Variants in UPK3A observed in about 807,000 individuals in gnomAD.
The protein encoded by UPK3A is uroplakin-3a.
In UPK3A, 32 loss-of-function variants were observed where a neutral mutation model predicts 27.6. The ratio of observed to expected loss-of-function variants is 1.16; its 90% CI spans 0.87 to 1.55. The LOEUF (loss-of-function observed/expected upper bound fraction) is 1.55. Ranked by LOEUF, UPK3A falls within the 40% of genes most tolerant of loss-of-function variation. UPK3A has a pLI of 0.00. For missense variants in UPK3A, 370 were observed against 367.9 expected (o/e 1.01, Z -0.05); for synonymous variants, 171 against 163.9 (o/e 1.04, Z -0.33).
chr22:45,294,273 C>T (rs2084180726), intron 5 of UPK3A, among the ~76,000 whole-genome samples: 1 of 152,028 alleles, frequency 6.6e-6, no homozygotes, highest in Non-Finnish European at 1.5e-5. Flanking sequence ...TAAGTGGATC[C>T]ATGGAAAGCA....
intron 4 of UPK3A, among the ~76,000 whole-genome samples, chr22:45,291,525 A>T (rs4823288): frequency 0.52 from 75,728 of 145,032 alleles, 21,792 homozygotes; most frequent in African/African-American, 0.79. Context: ...TGTGAGTTGG[A>T]ATGTGTGTTG....
chr22:45,291,422 ATGTGTGTGG>A (rs899204575), intron 4 of UPK3A, among the ~76,000 whole-genome samples: 8 of 136,390 alleles, frequency 5.9e-5, no homozygotes, highest in Non-Finnish European at 1.3e-4. Flanking sequence ...TGTGTATTGT[ATGTGTGTGG>A]TGTGTGTGGT....
intron 5 of UPK3A, among the ~76,000 whole-genome samples, chr22:45,294,952 G>T (rs377169493): frequency 6.9e-6 from 1 of 144,484 alleles, no homozygotes; most frequent in East Asian, 2.0e-4. Context: ...TGCAACCTCC[G>T]CCTCCCAGGT....
rs142434823 is a variant in UPK3A at position 45,295,640 on chromosome 22, C to T, written c.785C>T (p.Ser262Leu). ...QEAVPKSLGA[S>L]ESSYTSVNRG... is the part of the protein sequence containing the mutation. The stretch of plus-strand genomic sequence containing the variant: ...GCTGTTCCCAAGTCGCTGGGGGCCT[C>T]GGAGTCTTCCTACACGTCCGTGAAC... Residue 262 changes from serine (S) to leucine (L), a missense_variant, in exon 6 of 6, where the codon TCG becomes TTG. Physicochemically the swap from Ser to Leu is moderately radical, Grantham distance 145. Transcript: ENST00000216211. The T allele has an allele frequency of 6.8e-5, 109 of 1,613,986 alleles. No homozygotes were observed. In the East Asian group the frequency reaches 1.6e-3, roughly 24 times the overall value.
intron 5 of UPK3A, 23 bp downstream of exon 5, chr22:45,293,336 G>T: frequency 6.2e-7 from 1 of 1,613,164 alleles, no homozygotes. Context: ...CTGCTGGGAG[G>T]GCTGGACCCC....
chr22:45,293,395 C>T, intron 5 of UPK3A, 82 bp downstream of exon 5: 1 of 1,579,962 alleles, frequency 6.3e-7, no homozygotes, highest in Non-Finnish European at 8.6e-7. Context: ...CAGTGGGGTC[C>T]TCCGAGGCAG....
chr22:45,289,875 A>G (rs1372969636), intron 4 of UPK3A, among the ~76,000 whole-genome samples: 3 of 152,138 alleles, frequency 2.0e-5, no homozygotes, highest in African/African-American at 7.2e-5. Context: ...GGATGGGTGT[A>G]AGCGGATCAA....
chr22:45,289,595 A>AAG (rs1491309468), intron 4 of UPK3A, among the ~76,000 whole-genome samples: 14 of 147,400 alleles, frequency 9.5e-5, no homozygotes, highest in East Asian at 6.0e-4. Context: ...AAAAAAAAAG[A>AAG]AAAAAAAAAT....
chr22:45,293,744 T>G (rs1482074252), intron 5 of UPK3A, among the ~76,000 whole-genome samples: 1 of 152,168 alleles, frequency 6.6e-6, no homozygotes, highest in African/African-American at 2.4e-5. Flanking sequence ...GCCTGGGAAC[T>G]CAACAAGCAT....
At position 45,287,363 on chromosome 22, in the gene UPK3A, G is replaced by A; in HGVS notation, c.400G>A (p.Val134Ile). ...CTCACAGATCCTGAATGCCTACCTG[G>A]TCAGGGTGGGTGCCAACGGGACCTG... ...KASQILNAYL[V>I]RVGANGTCLW... Residue 134 changes from valine to isoleucine, a missense_variant, in exon 3 of 6, where the codon GTC becomes ATC. Physicochemically the swap from Val to Ile is conservative, Grantham distance 29. Transcript: ENST00000216211. 1 of 1,614,046 alleles carries A rather than the reference G, an allele frequency of 6.2e-7. No homozygotes were observed. Among genetic ancestry groups the A allele is most frequent in the Non-Finnish European group, 8.5e-7 (1 of 1,179,946 alleles).
intron 4 of UPK3A, 36 bp from the exon 5 acceptor site, chr22:45,293,145 G>A: frequency 1.9e-6 from 3 of 1,611,480 alleles, no homozygotes; most frequent in Non-Finnish European, 2.5e-6. Context: ...GGGTGGTGCG[G>A]TGTCTGGGAA....
chr22:45,289,058 C>T lies in UPK3A; in HGVS notation c.489-3C>T, dbSNP rs1284715115. On this transcript the variant is annotated splice_region_variant and splice_polypyrimidine_tract_variant and intron_variant, in intron 3 of 5. Transcript: ENST00000216211. ...AAGTCACCCTGGCTCCGTCTCCTTC[C>T]AGGTTCAAGTATGTCCTGGTCAATA... The T allele has an allele frequency of 2.5e-6, 4 of 1,613,810 alleles. No homozygotes were observed. In the African/African-American group the frequency reaches 4.0e-5, roughly 16 times the overall value.
intron 5 of UPK3A, among the ~76,000 whole-genome samples, chr22:45,294,082 G>T (rs1223233741): frequency 6.6e-6 from 1 of 152,140 alleles, no homozygotes; most frequent in East Asian, 1.9e-4. Context: ...GGGGGGTGCT[G>T]CCTGGAGCAT....
chr22:45,295,726 C>T lies in UPK3A; in HGVS notation c.*7C>T, dbSNP rs753091998. The T allele has an allele frequency of 5.6e-6, 9 of 1,613,534 alleles. No individual in the cohort carries two copies. In the African/African-American group the frequency reaches 6.7e-5, roughly 12 times the overall value. On this transcript the variant is annotated 3_prime_UTR_variant, in exon 6 of 6. Coordinates refer to ENST00000216211, the MANE Select transcript of UPK3A (RefSeq NM_006953.4). ...CAGCAAGCTCCAAGACTGAGCCCAG[C>T]ACCACCCCTGGGCAGCAGCATCCTC...
At chr22:45,293,465 G>A in intron 5 of UPK3A, 152 bp downstream of exon 5, 1 of 1,004,508 alleles carries the variant, frequency 1.0e-6, no homozygotes, top group Non-Finnish European at 1.5e-6. Flanking sequence ...CTGGTGAAGA[G>A]GGAGCAGAGT....
intron 4 of UPK3A, 104 bp from the exon 5 acceptor site, chr22:45,293,077 C>T: frequency 6.4e-7 from 1 of 1,556,914 alleles, no homozygotes; most frequent in Non-Finnish European, 8.7e-7. Flanking sequence ...AGGGTCATCC[C>T]TGGATCCCCG....
chr22:45,285,830 G>A, intron 1 of UPK3A, 111 bp from the exon 2 acceptor site: 1 of 1,497,624 alleles, frequency 6.7e-7, no homozygotes, highest in Non-Finnish European at 9.1e-7. Context: ...GTGGCCCAGG[G>A]GGAGGGTGAA....
chr22:45,293,373 A>G (rs2147798115), intron 5 of UPK3A, 60 bp downstream of exon 5: 1 of 1,606,646 alleles, frequency 6.2e-7, no homozygotes, highest in Non-Finnish European at 8.5e-7. Context: ...CATTTGGCTC[A>G]CAGGGACTCA....
chr22:45,287,519 G>A lies in UPK3A; in HGVS notation c.488+68G>A. On this transcript the variant is annotated intron_variant, in intron 3 of 5. Transcript: ENST00000216211. ...CCAGTCCTGATGAGGGAGAGCAGGGGCAAAGTAGGAGCAGCCACACTTCTT... is the reference window on the plus strand; with the variant it reads ...CCAGTCCTGATGAGGGAGAGCAGGGACAAAGTAGGAGCAGCCACACTTCTT... 2.0e-6 allele frequency: 3 copies of A among 1,537,344 alleles called. No homozygotes were observed. In the South Asian group the frequency reaches 3.6e-5, roughly 18 times the overall value.
Sources: allele counts gnomAD v4.1 joint callset (sites outside exome capture counted in the v4.1 genomes callset), GRCh38; gene constraint gnomAD v4.1.1; transcripts MANE v1.5; gene names NCBI Gene and HGNC (gene_info 2026-07-23, HGNC 2026-07-21).